Variants in PRKG1 observed in about 807,000 individuals in gnomAD.
The protein encoded by PRKG1 is cGMP-dependent protein kinase 1.
Under a neutral mutation model 88.1 loss-of-function variants are expected in PRKG1, and 35 were observed. The observed-to-expected ratio is 0.40, with a 90% CI of 0.30 to 0.53. PRKG1 has a LOEUF of 0.53. Among genes scored for constraint, PRKG1 ranks in the 20% least tolerant of loss-of-function variants. The pLI, the probability that PRKG1 is intolerant of heterozygous loss-of-function variation, is 0.59. For synonymous variants in PRKG1, 303 were observed against 292.5 expected (o/e 1.04, Z -0.37); for missense variants, 540 against 839.8 (o/e 0.64, Z 4.41).
intron 9 of PRKG1, among the ~76,000 whole-genome samples, chr10:52,229,877 A>T (rs1485403617): frequency 1.3e-5 from 2 of 152,178 alleles, no homozygotes; most frequent in African/African-American, 4.8e-5. Flanking sequence ...GGGAGCCTTC[A>T]CCTACCCTTC....
intron 3 of PRKG1, among the ~76,000 whole-genome samples, chr10:51,783,655 C>T (rs1444968678): frequency 2.6e-5 from 4 of 152,186 alleles, no homozygotes; most frequent in East Asian, 3.9e-4. Context: ...TAAGTGTGTA[C>T]GTGTTTAAGC....
At chr10:52,189,549 G>A (rs1272505661) in intron 9 of PRKG1, among the ~76,000 whole-genome samples, 2 of 152,108 alleles carry the variant, frequency 1.3e-5, no homozygotes, top group East Asian at 1.9e-4. Flanking sequence ...GCACATACAA[G>A]GGATCTAGCT....
intron 3 of PRKG1, among the ~76,000 whole-genome samples, chr10:51,557,018 CTCT>C (rs1375270242): frequency 1.3e-5 from 2 of 152,024 alleles, no homozygotes; most frequent in East Asian, 3.9e-4. Context: ...TTTCTTTTGA[CTCT>C]TCTTTTTCTC....
chr10:51,431,321 C>T (rs1056458087), intron 2 of PRKG1, among the ~76,000 whole-genome samples: 1 of 152,112 alleles, frequency 6.6e-6, no homozygotes, highest in Non-Finnish European at 1.5e-5. Context: ...CCATGTAGGG[C>T]CACACGGGGA....
At chr10:51,867,327 C>T (rs1378669821) in intron 4 of PRKG1, among the ~76,000 whole-genome samples, 2 of 152,052 alleles carry the variant, frequency 1.3e-5, no homozygotes, top group East Asian at 1.9e-4. Flanking sequence ...ATTTAAAAGG[C>T]ATATCTGTAG....
intron 2 of PRKG1, among the ~76,000 whole-genome samples, chr10:51,460,642 A>C (rs995193221): frequency 2.6e-5 from 4 of 152,186 alleles, no homozygotes; most frequent in African/African-American, 9.7e-5. Flanking sequence ...TTTAAGTGCT[A>C]ACATTTCAAA....
intron 9 of PRKG1, among the ~76,000 whole-genome samples, chr10:52,169,591 G>A (rs1397744171): frequency 2.0e-5 from 3 of 152,142 alleles, no homozygotes; most frequent in Non-Finnish European, 4.4e-5. Flanking sequence ...AAGAATGGGG[G>A]AAGAAACAAT....
At position 51,858,409 on chromosome 10, in the gene PRKG1, A is replaced by AT. The variant is rs1840773946; in HGVS notation, c.699-49098_699-49097insT. Among the ~76,000 whole-genome samples the AT allele has an allele frequency of 6.7e-4, 19 of 28,524 alleles. 1 individual carries two copies. Among genetic ancestry groups the AT allele is most frequent in the South Asian group, 1.7e-3 (1 of 584 alleles). 18.7% of individuals were successfully genotyped at this position (28,524 alleles called of 152,430 possible). The stretch of plus-strand genomic sequence containing the variant: ...ATATATAATATATATAATATATATA[A>AT]AATATATATATAATATATATATATA... On this transcript the variant is annotated intron_variant, in intron 4 of 17. Transcript: ENST00000373980.
chr10:51,548,474 G>T (rs930684630), intron 3 of PRKG1, among the ~76,000 whole-genome samples: 10 of 152,040 alleles, frequency 6.6e-5, no homozygotes, highest in African/African-American at 2.4e-4. Flanking sequence ...GACCAGAAAA[G>T]TTGTGTGCTA....
At chr10:51,795,949 C>G (rs530425731) in intron 3 of PRKG1, among the ~76,000 whole-genome samples, 1 of 152,052 alleles carries the variant, frequency 6.6e-6, no homozygotes, top group Non-Finnish European at 1.5e-5. Context: ...ATAATTCACT[C>G]AGGAATTCTT....
chr10:52,002,004 AAAAGG>A lies in PRKG1; in HGVS notation c.763-52471_763-52467del, dbSNP rs144584886. On this transcript the variant is annotated intron_variant, in intron 5 of 17. Coordinates refer to ENST00000373980, the MANE Select transcript of PRKG1 (RefSeq NM_006258.4). ...AAATAAGAATTGTATATGATCCATGAAAAGGAAAGGAAAAATTAAGCTAATAACTA... is the reference window on the plus strand; with the variant it reads ...AAATAAGAATTGTATATGATCCATGAAAAGGAAAAATTAAGCTAATAACTA... 1.3e-3 allele frequency among the ~76,000 whole-genome samples: 192 copies of A among 152,184 alleles called. 1 individual carries two copies. The highest frequency in any genetic ancestry group is 4.5e-3 in the African/African-American group (187 of 41,570).
At position 52,062,646 on chromosome 10, in the gene PRKG1, T is replaced by G; in HGVS notation, c.935+15T>G. ...GCCTTGCAGGGGTAAGTAGATCATG[T>G]GTTATACAGGTTTTTGTTTGAGTGC... On this transcript the variant is annotated intron_variant, in intron 7 of 17. Coordinates refer to ENST00000373980, the MANE Select transcript of PRKG1 (RefSeq NM_006258.4). 5 of 1,562,238 alleles carry G rather than the reference T, an allele frequency of 3.2e-6. No individual in the cohort carries two copies. The highest frequency in any genetic ancestry group is 4.4e-6 in the Non-Finnish European group (5 of 1,144,720).
chr10:51,207,283 C>G (rs1049247037), intron 2 of PRKG1, among the ~76,000 whole-genome samples: 2 of 152,090 alleles, frequency 1.3e-5, no homozygotes, highest in African/African-American at 2.4e-5. Flanking sequence ...GCTGTTTCAC[C>G]CTTCCTTACG....
At chr10:52,033,322 A>G (rs978488868) in intron 5 of PRKG1, among the ~76,000 whole-genome samples, 2 of 152,186 alleles carry the variant, frequency 1.3e-5, no homozygotes, top group African/African-American at 4.8e-5. Flanking sequence ...GTCAAGGTTG[A>G]TAAAACGTAC....
chr10:50,991,561 G>A lies in PRKG1; in HGVS notation c.183G>A (p.Ala61=). The A allele has an allele frequency of 6.2e-7, 1 of 1,607,282 alleles. No homozygotes were observed. The highest frequency in any genetic ancestry group is 1.7e-5 in the Admixed American group (1 of 59,180). The stretch of plus-strand genomic sequence containing the variant: ...ACATCGGCCCCCGGACCACCCGGGC[G>A]CAGGGCATCTCGGCCGAGCCGCAGA... The change falls in exon 1 of 18, where the codon GCG becomes GCA. Residue 61 remains alanine (A), a synonymous_variant. Coordinates refer to the PRKG1 transcript ENST00000401604. The surrounding 1 kb of genome is among the most constrained non-coding windows in gnomAD (Gnocchi z 4.5).
chr10:51,576,486 CAAAT>C (rs1837890351), intron 3 of PRKG1, among the ~76,000 whole-genome samples: 1 of 151,864 alleles, frequency 6.6e-6, no homozygotes, highest in South Asian at 2.1e-4. Flanking sequence ...TCCTATTTCA[CAAAT>C]AGAGAGGTAT....
chr10:52,200,394 TC>T (rs1159337114), intron 9 of PRKG1, among the ~76,000 whole-genome samples: 1 of 152,196 alleles, frequency 6.6e-6, no homozygotes, highest in African/African-American at 2.4e-5. Flanking sequence ...ATGATCTCAT[TC>T]TTTTTATGGC....
At chr10:51,772,317 G>T (rs986425435) in intron 3 of PRKG1, among the ~76,000 whole-genome samples, 1 of 152,074 alleles carries the variant, frequency 6.6e-6, no homozygotes. Flanking sequence ...TATTCAGGGA[G>T]ATTCATTACA....
At chr10:51,351,249 T>C (rs1842237811) in intron 2 of PRKG1, among the ~76,000 whole-genome samples, 1 of 152,206 alleles carries the variant, frequency 6.6e-6, no homozygotes, top group Admixed American at 6.5e-5. Context: ...AGTAGAATGA[T>C]TTATAATCCT....
Sources: allele counts gnomAD v4.1 joint callset (sites outside exome capture counted in the v4.1 genomes callset), GRCh38; gene constraint gnomAD v4.1.1; non-coding constraint Gnocchi (gnomAD v3.1); transcripts MANE v1.5; gene names NCBI Gene and HGNC (gene_info 2026-07-23, HGNC 2026-07-21).